HDAC5: variants seen among roughly 807,000 people sequenced by gnomAD.
The protein encoded by HDAC5 is histone deacetylase 5.
HDAC5 carries 25 observed loss-of-function variants against 133.3 expected under a neutral mutation model. The observed-to-expected ratio is 0.19, with a 90% CI of 0.14 to 0.26. The LOEUF (loss-of-function observed/expected upper bound fraction) is 0.26. Ranked by LOEUF, HDAC5 falls within the 10% of genes least tolerant of loss-of-function variation. The pLI is 1.00. For missense variants in HDAC5, 1,041 were observed against 1,460.5 expected (o/e 0.71, Z 4.68); for synonymous variants, 589 against 610.8 (o/e 0.96, Z 0.53).
At chr17:44,122,594 T>G (rs1416769116) in intron 1 of HDAC5, among the ~76,000 whole-genome samples, 1 of 152,124 alleles carries the variant, frequency 6.6e-6, no homozygotes, top group Non-Finnish European at 1.5e-5. Context: ...GCCAGGGGTA[T>G]CAAGTGGTCA....
intron 13 of HDAC5, 138 bp downstream of exon 13, chr17:44,087,274 C>T: frequency 1.6e-6 from 1 of 612,566 alleles, no homozygotes; most frequent in East Asian, 2.7e-5. Context: ...TCCCACTCCC[C>T]TTTTGCTCTC....
chr17:44,088,653 C>A, intron 11 of HDAC5, 55 bp from the exon 12 acceptor site: 2 of 1,572,488 alleles, frequency 1.3e-6, no homozygotes, highest in Non-Finnish European at 8.7e-7. Context: ...TGACTGCCCT[C>A]CCACCGACCC....
chr17:44,082,613 T>C lies in HDAC5; in HGVS notation c.2579A>G (p.Asn860Ser), dbSNP rs770450250. The C allele has an allele frequency of 3.1e-6, 5 of 1,614,084 alleles. No homozygotes were observed. In the South Asian group the frequency reaches 5.5e-5, roughly 18 times the overall value. Reference protein sequence around the residue: ...ITAKLLQQKLNVGKVLIVDWD... With the variant: ...ITAKLLQQKLSVGKVLIVDWD... ...GTCCACGATGAGGACCTTGCCCACGTTCAACTTCTGCTGTAGGAGTTTTGC... is the reference window on the plus strand; with the variant it reads ...GTCCACGATGAGGACCTTGCCCACGCTCAACTTCTGCTGTAGGAGTTTTGC... The change falls in exon 20 of 27, where the codon AAC becomes AGC. Residue 860 changes from asparagine (N) to serine (S), a missense_variant. Asn to Ser is a conservative substitution (Grantham distance 46, BLOSUM62 1). Around this residue, in one of 9 missense-constraint regions of HDAC5, gnomAD observed 174 missense variants for 352.7 expected, o/e 0.49. Coordinates refer to ENST00000682912, the MANE Select transcript of HDAC5 (RefSeq NM_005474.5).
chr17:44,115,728 T>C (rs558860198), intron 2 of HDAC5, among the ~76,000 whole-genome samples: 1 of 152,292 alleles, frequency 6.6e-6, no homozygotes, highest in East Asian at 1.9e-4. Flanking sequence ...AAAATGAGGT[T>C]CCCAATCCCT....
Position 44,088,492 on chromosome 17 carries a change from G to T in HDAC5, c.1494C>A (p.Ser498=). 6.2e-7 allele frequency: 1 copy of T among 1,612,606 alleles called. No individual in the cohort carries two copies. The highest frequency in any genetic ancestry group is 8.5e-7 in the Non-Finnish European group (1 of 1,179,694). Residue 498 remains serine (S), a synonymous_variant, in exon 12 of 27, where the codon TCC becomes TCA. Transcript: ENST00000682912. ...CCTGGGGACTCTGCGGCAGCGGTGA[G>T]GACTGAGTGCGGCTCAGGGGCCGAT... ...PRHRPLSRTQ[S]SPLPQSPQAL...
intron 2 of HDAC5, chr17:44,111,162 C>T (rs1416911652): frequency 8.1e-6 from 3 of 371,148 alleles, no homozygotes; most frequent in Admixed American, 3.3e-5. Flanking sequence ...AGCGGGCAGG[C>T]GGGCTCTGTG....
intron 9 of HDAC5, 112 bp downstream of exon 9, chr17:44,092,060 G>C (rs2050977708): frequency 2.0e-6 from 2 of 1,015,224 alleles, no homozygotes; most frequent in East Asian, 5.1e-5. Flanking sequence ...CATGTGGGCA[G>C]AGAGGTCTCT....
intron 6 of HDAC5, 41 bp downstream of exon 6, chr17:44,093,051 C>T (rs757050285): frequency 4.6e-5 from 67 of 1,447,642 alleles, no homozygotes; most frequent in Non-Finnish European, 5.8e-5. Context: ...AGCCCCTGAG[C>T]GGCTCACCTA....
At chr17:44,095,884 G>GGGAGGGGAAGGCAGT (rs2051243831) in intron 3 of HDAC5, among the ~76,000 whole-genome samples, 4 of 151,870 alleles carry the variant, frequency 2.6e-5, no homozygotes, top group Admixed American at 2.6e-4. Flanking sequence ...AAGGCTGCTG[G>GGGAGGGGAAGGCAGT]GGAGGGGAAG....
intron 12 of HDAC5, 79 bp from the exon 13 acceptor site, chr17:44,087,775 T>C: frequency 1.4e-6 from 2 of 1,436,012 alleles, no homozygotes; most frequent in Non-Finnish European, 1.8e-6. Context: ...CAGTCTATCC[T>C]TCCCTCCCTC....
Position 44,088,274 on chromosome 17 carries a change from A to G in HDAC5, c.1599+113T>C, listed in dbSNP as rs545818357. The G allele has an allele frequency of 2.0e-5, 29 of 1,446,936 alleles. No individual in the cohort carries two copies. In the African/African-American group the frequency reaches 2.2e-4, roughly 11 times the overall value. The allele number at this position is 1,446,936 out of a possible 1,614,324, so 89.6% of individuals were successfully genotyped here. ...GCGATCTGCCCACCTCGGCCTCCCA[A>G]TCAGGCGCGAGCCACCGTGTCTGGC... On this transcript the variant is annotated intron_variant, in intron 12 of 26. Coordinates refer to ENST00000682912, the MANE Select transcript of HDAC5 (RefSeq NM_005474.5).
intron 1 of HDAC5, chr17:44,120,465 G>C (rs2052915891): frequency 6.6e-6 from 1 of 152,248 alleles, no homozygotes. Flanking sequence ...AACCGGCCAG[G>C]CGCGGCGGCT....
chr17:44,094,513 T>G (rs910760586), intron 3 of HDAC5, among the ~76,000 whole-genome samples: 1 of 151,396 alleles, frequency 6.6e-6, no homozygotes, highest in Non-Finnish European at 1.5e-5. Context: ...GGCACACGCC[T>G]GTAGTCCCAG....
intron 3 of HDAC5, among the ~76,000 whole-genome samples, chr17:44,104,131 G>A (rs1359273750): frequency 6.8e-6 from 1 of 147,116 alleles, no homozygotes; most frequent in Non-Finnish European, 1.5e-5. Context: ...GACCAGCCTG[G>A]CCAACGTGGT....
At position 44,088,613 on chromosome 17, in the gene HDAC5, G is replaced by A. The variant is rs750788160; in HGVS notation, c.1388-15C>T. On this transcript the variant is annotated splice_polypyrimidine_tract_variant and intron_variant, in intron 11 of 26. Transcript: ENST00000682912. ...GTGGAGTGGCACTACGGAGTTGGGG[G>A]TGATGACTAAGCACCATTGTCAGGG... 6.2e-7 allele frequency: 1 copy of A among 1,606,516 alleles called. No homozygotes were observed.
At chr17:44,096,769 C>T (rs2051299424) in intron 3 of HDAC5, among the ~76,000 whole-genome samples, 1 of 147,854 alleles carries the variant, frequency 6.8e-6, no homozygotes, top group African/African-American at 2.5e-5. Context: ...AGCCACTGCC[C>T]CTGGCCTTTT....
At chr17:44,118,368 A>G (rs1598045472) in intron 1 of HDAC5, among the ~76,000 whole-genome samples, 1 of 152,208 alleles carries the variant, frequency 6.6e-6, no homozygotes, top group South Asian at 2.1e-4. Flanking sequence ...TGTATATTGT[A>G]CAGGTTGTGC....
chr17:44,117,676 G>A lies in HDAC5; in HGVS notation c.-161C>T. ...CCCATCCGAGGCCATCCTTCGGGGC[G>A]AGGCAGTCAGGCACTCAGAACGGCA... On this transcript the variant is annotated 5_prime_UTR_variant, in exon 2 of 27. Transcript: ENST00000682912. The surrounding 1 kb of genome is among the most constrained non-coding windows in gnomAD (Gnocchi z 4.2). 1.4e-6 allele frequency: 1 copy of A among 734,260 alleles called. No individual in the cohort carries two copies. Among genetic ancestry groups the A allele is most frequent in the Non-Finnish European group, 2.4e-6 (1 of 423,348 alleles). 45.5% of individuals were successfully genotyped at this position (734,260 alleles called of 1,614,324 possible).
At chr17:44,099,775 T>G (rs2051478821) in intron 3 of HDAC5, among the ~76,000 whole-genome samples, 1 of 152,126 alleles carries the variant, frequency 6.6e-6, no homozygotes, top group South Asian at 2.1e-4. Context: ...TGCCTGGCCT[T>G]GGGGCTGTGT....
Sources: allele counts gnomAD v4.1 joint callset (sites outside exome capture counted in the v4.1 genomes callset), GRCh38; gene constraint gnomAD v4.1.1; regional missense constraint gnomAD v4.1.1; non-coding constraint Gnocchi (gnomAD v3.1); transcripts MANE v1.5; gene names NCBI Gene and HGNC (gene_info 2026-07-23, HGNC 2026-07-21).